The following DSCAML1 variants were observed in gnomAD, a reference collection of about 807,000 sequenced individuals.
DSCAML1 encodes cell adhesion molecule DSCAML1.
In DSCAML1, 38 loss-of-function variants were observed where a neutral mutation model predicts 200.5. The observed-to-expected ratio is 0.19, with a 90% CI of 0.15 to 0.25. The LOEUF is 0.25. DSCAML1 is among the 10% of genes least tolerant of loss of function. The pLI is 1.00. For synonymous variants in DSCAML1, 1,215 were observed against 1,165.0 expected (o/e 1.04, Z -0.87); for missense variants, 2,223 against 2,858.8 (o/e 0.78, Z 5.07).
intron 27 of DSCAML1, among the ~76,000 whole-genome samples, chr11:117,435,393 T>C (rs2047892971): frequency 6.6e-6 from 1 of 152,258 alleles, no homozygotes; most frequent in African/African-American, 2.4e-5. Context: ...CAACATGGCT[T>C]TACCAGTGTG....
At chr11:117,485,774 G>C (rs1414304274) in intron 11 of DSCAML1, among the ~76,000 whole-genome samples, 1 of 152,204 alleles carries the variant, frequency 6.6e-6, no homozygotes, top group African/African-American at 2.4e-5. Flanking sequence ...AAAAAGCCTA[G>C]GTCTGTGGCC....
intron 3 of DSCAML1, among the ~76,000 whole-genome samples, chr11:117,535,879 T>A (rs544404567): frequency 4.5e-4 from 53 of 117,706 alleles, no homozygotes; most frequent in African/African-American, 1.5e-3. Flanking sequence ...CACTTGGCCC[T>A]ACGAGGATTT....
intron 8 of DSCAML1, among the ~76,000 whole-genome samples, chr11:117,507,171 G>A (rs968371952): frequency 3.9e-5 from 6 of 152,232 alleles, no homozygotes; most frequent in African/African-American, 1.4e-4. Context: ...AAGAGAGAAG[G>A]AGATAGACAA....
At chr11:117,530,744 C>G (rs531767999) in intron 4 of DSCAML1, among the ~76,000 whole-genome samples, 10 of 152,190 alleles carry the variant, frequency 6.6e-5, no homozygotes, top group Middle Eastern at 3.4e-3. Context: ...CATCACCAAA[C>G]CACCAAACTC....
rs778403842 is a variant in DSCAML1 at position 117,428,489 on chromosome 11, C to T, written c.6001G>A (p.Ala2001Thr). The change falls in exon 33 of 33, where the codon GCT (alanine) becomes ACT (threonine). Residue 2001 changes from alanine (A) to threonine (T), a missense_variant. Around this residue, in one of 7 missense-constraint regions of DSCAML1, gnomAD observed 280 missense variants for 213.4 expected, o/e 1.31. Coordinates refer to ENST00000651296, the MANE Select transcript of DSCAML1 (RefSeq NM_020693.4). ...TPAEPPTAPS[A>T]APPAPSTEPP... ...TCGGTGCTGGGGGCCGGAGGGGCAGCGCTGGGGGCGGTGGGTGGCTCAGCA... is the reference window on the plus strand; with the variant it reads ...TCGGTGCTGGGGGCCGGAGGGGCAGTGCTGGGGGCGGTGGGTGGCTCAGCA... 96 of 1,501,888 alleles carry T rather than the reference C, an allele frequency of 6.4e-5. No individual in the cohort carries two copies. The highest frequency in any genetic ancestry group is 8.0e-5 in the Non-Finnish European group (89 of 1,112,954). 93.0% of individuals were successfully genotyped at this position (1,501,888 alleles called of 1,614,324 possible). A position where few individuals can be genotyped will look rare whatever the true frequency, so the allele number is the denominator to read the frequency against.
At chr11:117,442,322 TTAGTGTGTA>T (rs1335588369) in intron 21 of DSCAML1, among the ~76,000 whole-genome samples, 1 of 141,422 alleles carries the variant, frequency 7.1e-6, no homozygotes, top group African/African-American at 2.8e-5. Flanking sequence ...TATGCATGTA[TTAGTGTGTA>T]TAGTGTGTAT....
intron 1 of DSCAML1, among the ~76,000 whole-genome samples, chr11:117,795,925 C>T (rs1402229550): frequency 2.6e-5 from 4 of 152,184 alleles, no homozygotes; most frequent in South Asian, 4.1e-4. Context: ...GAAGCCGCCC[C>T]GGGGCGAGAA....
In DSCAML1 at chr11:117,432,481, C is replaced by T; in HGVS notation, c.5050G>A (p.Val1684Met). ...GCTTGGCTGAACTCAGCATCTGTCA[C>T]AGGGATGGTGGCCTTGTCATCTCCT... ...QLGDDKATIP[V>M]TDAEFSQAVN... Residue 1684 changes from valine (V) to methionine (M), a missense_variant, in exon 30 of 33, where the codon GTG becomes ATG. This residue lies in a region of DSCAML1 where 614 missense variants were observed against 739.1 expected (regional missense o/e 0.83). Transcript: ENST00000651296. 1 of 1,614,192 alleles carries T rather than the reference C, an allele frequency of 6.2e-7. No individual in the cohort carries two copies. The highest frequency in any genetic ancestry group is 2.2e-5 in the East Asian group (1 of 44,892).
chr11:117,594,379 T>A lies in DSCAML1; in HGVS notation c.512-61857A>T, dbSNP rs578098130. On this transcript the variant is annotated intron_variant, in intron 3 of 32. Transcript: ENST00000651296. ...TCCCTCAGTCACTCTGACACCCAAG[T>A]ATTCTCCCCTCTTGCGTTTTCAAAC... Among the ~76,000 whole-genome samples the A allele has an allele frequency of 2.2e-4, 33 of 152,338 alleles. 1 individual carries two copies. The highest frequency in any genetic ancestry group is 7.7e-4 in the African/African-American group (32 of 41,582).
chr11:117,479,526 G>C (rs2048864343), intron 14 of DSCAML1, among the ~76,000 whole-genome samples: 1 of 152,198 alleles, frequency 6.6e-6, no homozygotes, highest in African/African-American at 2.4e-5. Context: ...CCTGCCACCT[G>C]ACCATGGGAC....
intron 3 of DSCAML1, among the ~76,000 whole-genome samples, chr11:117,699,216 A>G (rs56359135): frequency 6.6e-6 from 1 of 152,040 alleles, no homozygotes; most frequent in Non-Finnish European, 1.5e-5. Context: ...GTTTGAGCAG[A>G]CAAAGGCAGG....
chr11:117,780,665 C>G lies in DSCAML1; in HGVS notation c.192G>C (p.Gly64=), dbSNP rs1471707942. The change falls in exon 2 of 33, where the codon GGG becomes GGC. Residue 64 remains glycine (G), a synonymous_variant. Coordinates refer to ENST00000651296, the MANE Select transcript of DSCAML1 (RefSeq NM_020693.4). The surrounding 1 kb of genome is among the most constrained non-coding windows in gnomAD (Gnocchi z 4.8). ...TGTGCGGCACGTCGTAGATGTCGTC[C>G]CCTGTGGCCAGGTACCATCGAAGGG... ...SAALRWYLAT[G]DDIYDVPHIR... The G allele has an allele frequency of 3.1e-6, 5 of 1,591,906 alleles. No homozygotes were observed. Among genetic ancestry groups the G allele is most frequent in the Non-Finnish European group, 4.3e-6 (5 of 1,167,736 alleles).
intron 3 of DSCAML1, among the ~76,000 whole-genome samples, chr11:117,660,984 T>G (rs2052837671): frequency 6.6e-6 from 1 of 152,236 alleles, no homozygotes; most frequent in African/African-American, 2.4e-5. Flanking sequence ...AGACAAATAG[T>G]GCAGAAGAGG....
chr11:117,786,456 C>T (rs1356250867), intron 1 of DSCAML1, among the ~76,000 whole-genome samples: 2 of 152,194 alleles, frequency 1.3e-5, no homozygotes, highest in Non-Finnish European at 2.9e-5. Context: ...CCAGGGTCAC[C>T]GCTGAAACCT....
chr11:117,438,612 C>T (rs1406320363), intron 24 of DSCAML1, among the ~76,000 whole-genome samples: 7 of 152,264 alleles, frequency 4.6e-5, no homozygotes, highest in Middle Eastern at 3.4e-3. Context: ...TTGTCTACTT[C>T]GACAGATTGG....
intron 3 of DSCAML1, among the ~76,000 whole-genome samples, chr11:117,534,022 CTGAACCCA>C (rs1218428259): frequency 6.6e-6 from 1 of 152,206 alleles, no homozygotes; most frequent in Non-Finnish European, 1.5e-5. Flanking sequence ...GAGGGTCATG[CTGAACCCA>C]CAGGAAGAAC....
chr11:117,660,220 C>A (rs7949670), intron 3 of DSCAML1, among the ~76,000 whole-genome samples: 23,100 of 152,162 alleles, frequency 0.15, 3,783 homozygotes, highest in African/African-American at 0.41. Context: ...CTCAGAATGC[C>A]GAGCTCCAGG....
At chr11:117,700,071 T>C (rs1174699656) in intron 3 of DSCAML1, among the ~76,000 whole-genome samples, 3 of 152,174 alleles carry the variant, frequency 2.0e-5, no homozygotes, top group Admixed American at 6.5e-5. Flanking sequence ...GCGTCCTTCA[T>C]CTTTTGGGAG....
intron 3 of DSCAML1, among the ~76,000 whole-genome samples, chr11:117,698,587 T>C (rs554103251): frequency 6.6e-6 from 1 of 151,736 alleles, no homozygotes; most frequent in Admixed American, 6.6e-5. Context: ...GTTATTATTA[T>C]TTTTTTTTCT....
Sources: allele counts gnomAD v4.1 joint callset (sites outside exome capture counted in the v4.1 genomes callset), GRCh38; gene constraint gnomAD v4.1.1; regional missense constraint gnomAD v4.1.1; non-coding constraint Gnocchi (gnomAD v3.1); transcripts MANE v1.5; gene names NCBI Gene and HGNC (gene_info 2026-07-23, HGNC 2026-07-21).